Variants in TLK1 observed in about 807,000 individuals in gnomAD.
The protein encoded by TLK1 is serine/threonine-protein kinase tousled-like 1.
A neutral mutation model predicts 105.3 loss-of-function variants in TLK1; 24 were observed. That is an observed-to-expected ratio of 0.23 (90% CI 0.17 to 0.32). TLK1 has a LOEUF of 0.32. Among genes scored for constraint, TLK1 ranks in the 10% least tolerant of loss-of-function variants. TLK1 has a pLI of 1.00. For synonymous variants in TLK1, 321 were observed against 310.4 expected (o/e 1.03, Z -0.36); for missense variants, 558 against 910.5 (o/e 0.61, Z 4.98).
At chr2:171,132,354 A>G (rs571270086) in intron 1 of TLK1, among the ~76,000 whole-genome samples, 1 of 152,224 alleles carries the variant, frequency 6.6e-6, no homozygotes, top group African/African-American at 2.4e-5. Flanking sequence ...CATGGAGATT[A>G]TGGGAACTAC....
At chr2:171,145,490 T>C (rs1691756083) in intron 1 of TLK1, among the ~76,000 whole-genome samples, 1 of 151,406 alleles carries the variant, frequency 6.6e-6, no homozygotes, top group Non-Finnish European at 1.5e-5. Flanking sequence ...CTCGGGAGGC[T>C]GAGGCAGGAG....
chr2:171,136,257 T>C (rs1221794555), intron 1 of TLK1, among the ~76,000 whole-genome samples: 1 of 152,202 alleles, frequency 6.6e-6, no homozygotes, highest in Admixed American at 6.5e-5. Flanking sequence ...CTGTGAGGTA[T>C]CTAGAGTAGT....
intron 2 of TLK1, among the ~76,000 whole-genome samples, chr2:171,104,493 C>T (rs928693706): frequency 5.3e-5 from 8 of 152,216 alleles, no homozygotes; most frequent in East Asian, 3.9e-4. Flanking sequence ...AAGTGATCTA[C>T]AGATTCAATG....
chr2:171,220,514 C>CA (rs1693789101), intron 1 of TLK1, among the ~76,000 whole-genome samples: 1 of 152,178 alleles, frequency 6.6e-6, no homozygotes, highest in Non-Finnish European at 1.5e-5. Context: ...TGTGGGGACA[C>CA]TCAAGCAGCC....
chr2:171,045,632 C>A lies in TLK1; in HGVS notation c.1169+542G>T, dbSNP rs183495269. 6 of 152,190 alleles carry A rather than the reference C, an allele frequency of 3.9e-5. No homozygotes were observed. In the East Asian group the frequency reaches 1.2e-3, roughly 29 times the overall value. 9.4% of individuals were successfully genotyped at this position (152,190 alleles called of 1,614,324 possible). ...AATGGTGTTCTCTGTGAAATGGGAT[C>A]ATGGTCTATATTATTATTCTTGTCC... On this transcript the variant is annotated intron_variant, in intron 11 of 20. Transcript: ENST00000431350.
chr2:171,020,140 C>T (rs766359831), intron 12 of TLK1, among the ~76,000 whole-genome samples: 1 of 151,660 alleles, frequency 6.6e-6, no homozygotes, highest in Non-Finnish European at 1.5e-5. Flanking sequence ...GTTAACATCT[C>T]TAAGTCCTAA....
At chr2:171,133,193 G>A (rs977035987) in intron 1 of TLK1, among the ~76,000 whole-genome samples, 2 of 152,168 alleles carry the variant, frequency 1.3e-5, no homozygotes, top group African/African-American at 4.8e-5. Flanking sequence ...GATTCCAGAG[G>A]GGAAACATGG....
At chr2:171,068,286 G>A (rs1044896954) in intron 3 of TLK1, among the ~76,000 whole-genome samples, 3 of 151,988 alleles carry the variant, frequency 2.0e-5, no homozygotes, top group Admixed American at 6.6e-5. Context: ...CCAAGATCGC[G>A]CCATTGCACT....
In TLK1 at chr2:171,197,928, T is replaced by C. The variant is rs536887192; in HGVS notation, c.-6+33217A>G. Among the ~76,000 whole-genome samples, 17 of 152,338 alleles carry C rather than the reference T, an allele frequency of 1.1e-4. No individual in the cohort carries two copies. In the South Asian group the frequency reaches 3.5e-3, roughly 32 times the overall value. The stretch of plus-strand genomic sequence containing the variant: ...TCTGCATTTTTGGCTAGTACCCTTA[T>C]ATGATTCTTATAAGAACACTAAATT... On this transcript the variant is annotated intron_variant, in intron 1 of 20. Coordinates refer to the TLK1 transcript ENST00000521943.
At chr2:171,101,338 C>T (rs1178972332) in intron 2 of TLK1, among the ~76,000 whole-genome samples, 1 of 87,654 alleles carries the variant, frequency 1.1e-5, no homozygotes, top group Non-Finnish European at 2.2e-5. Flanking sequence ...AAGAGTGAAA[C>T]TCCGTCTCAA....
intron 1 of TLK1, among the ~76,000 whole-genome samples, chr2:171,216,958 A>T (rs531355564): frequency 3.5e-4 from 53 of 152,312 alleles, no homozygotes; most frequent in African/African-American, 1.3e-3. Context: ...TAACCCACAG[A>T]AGTATAAGGC....
At chr2:171,209,191 G>A (rs1693563344) in intron 1 of TLK1, among the ~76,000 whole-genome samples, 1 of 152,148 alleles carries the variant, frequency 6.6e-6, no homozygotes, top group Non-Finnish European at 1.5e-5. Context: ...GCATGTATTT[G>A]CATTTGCTTT....
chr2:171,212,341 C>T (rs1393033674), intron 1 of TLK1, among the ~76,000 whole-genome samples: 3 of 140,064 alleles, frequency 2.1e-5, no homozygotes, highest in South Asian at 2.6e-4. Flanking sequence ...TGTTATGCTG[C>T]CTTTTTGCAA....
chr2:171,123,790 C>T (rs532625626), intron 1 of TLK1, among the ~76,000 whole-genome samples: 3 of 152,020 alleles, frequency 2.0e-5, no homozygotes, highest in East Asian at 1.9e-4. Flanking sequence ...CCAGCCTGGG[C>T]GCAGAATGAG....
chr2:171,063,440 CG>C (rs891916344), intron 3 of TLK1, among the ~76,000 whole-genome samples: 1 of 151,930 alleles, frequency 6.6e-6, no homozygotes, highest in Non-Finnish European at 1.5e-5. Context: ...TATAAAAAAG[CG>C]AAGAAAACAT....
chr2:171,133,578 G>T (rs1029171086), intron 1 of TLK1, among the ~76,000 whole-genome samples: 1 of 152,050 alleles, frequency 6.6e-6, no homozygotes, highest in African/African-American at 2.4e-5. Flanking sequence ...CAGCCTGGGA[G>T]ACAGAGTGAG....
chr2:171,183,161 G>A (rs979185109), intron 1 of TLK1, among the ~76,000 whole-genome samples: 1 of 152,032 alleles, frequency 6.6e-6, no homozygotes, highest in Non-Finnish European at 1.5e-5. Context: ...AAGAATAAGT[G>A]TAATATATGT....
chr2:171,162,509 G>A (rs1301283414), upstream of TLK1, among the ~76,000 whole-genome samples: 3 of 152,194 alleles, frequency 2.0e-5, no homozygotes, highest in African/African-American at 4.8e-5. Flanking sequence ...TTGCACTCCA[G>A]CCTGGGCGAC....
At chr2:171,124,176 A>C (rs1690776392) in intron 1 of TLK1, among the ~76,000 whole-genome samples, 1 of 152,260 alleles carries the variant, frequency 6.6e-6, no homozygotes, top group Non-Finnish European at 1.5e-5. Context: ...ACTCATATTT[A>C]TGTGGGAATG....
Sources: gnomAD v4.1 joint callset for allele counts (sites outside exome capture counted in the v4.1 genomes callset) on GRCh38, gnomAD v4.1.1 for gene constraint, MANE v1.5 for transcripts, NCBI Gene and HGNC (gene_info 2026-07-23, HGNC 2026-07-21) for gene names.